CNTNAP2: variants seen among roughly 807,000 people sequenced by gnomAD.
The protein encoded by CNTNAP2 is contactin-associated protein-like 2.
CNTNAP2 carries 98 observed loss-of-function variants against 155.2 expected under a neutral mutation model. The ratio of observed to expected loss-of-function variants is 0.63; its 90% CI spans 0.54 to 0.75. The LOEUF is 0.75. Ranked by LOEUF, CNTNAP2 falls within the 30% of genes least tolerant of loss-of-function variation. CNTNAP2 has a pLI of 0.00. For missense variants in CNTNAP2, 1,727 were observed against 1,688.1 expected (o/e 1.02, Z -0.40); for synonymous variants, 651 against 631.2 (o/e 1.03, Z -0.47).
chr7:147,713,477 A>G (rs1054764174), intron 13 of CNTNAP2, among the ~76,000 whole-genome samples: 1 of 152,156 alleles, frequency 6.6e-6, no homozygotes, highest in Non-Finnish European at 1.5e-5. Flanking sequence ...ATGTATCAGT[A>G]GTACATTCCT....
At chr7:146,294,143 A>C (rs1584853040) in intron 1 of CNTNAP2, among the ~76,000 whole-genome samples, 1 of 152,350 alleles carries the variant, frequency 6.6e-6, no homozygotes, top group East Asian at 1.9e-4. Context: ...CAGAATCACA[A>C]AGTGGAGAAG....
At chr7:146,323,861 C>A (rs182456676) in intron 1 of CNTNAP2, among the ~76,000 whole-genome samples, 121 of 152,220 alleles carry the variant, frequency 7.9e-4, no homozygotes, top group Non-Finnish European at 7.9e-4. Flanking sequence ...AACATTGCTC[C>A]ATTCCCTGTA....
intron 22 of CNTNAP2, among the ~76,000 whole-genome samples, chr7:148,405,662 C>G (rs1472868329): frequency 1.7e-5 from 2 of 116,344 alleles, no homozygotes; most frequent in Admixed American, 1.1e-4. Context: ...TGTCACCAGG[C>G]TGGAGTGCAG....
intron 2 of CNTNAP2, among the ~76,000 whole-genome samples, chr7:146,834,843 A>C (rs1256443125): frequency 6.6e-6 from 1 of 152,180 alleles, no homozygotes; most frequent in Non-Finnish European, 1.5e-5. Context: ...GGTTGTGATG[A>C]AAGAGGTATC....
chr7:148,171,320 G>A (rs1805789676), intron 17 of CNTNAP2, among the ~76,000 whole-genome samples: 2 of 152,076 alleles, frequency 1.3e-5, no homozygotes, highest in South Asian at 4.2e-4. Flanking sequence ...TCTTTCAACA[G>A]TTTTACCTAC....
Position 146,761,140 on chromosome 7 carries a change from G to T in CNTNAP2, c.98-13131G>T, listed in dbSNP as rs1802090135. 1.3e-5 allele frequency among the ~76,000 whole-genome samples: 2 copies of T among 152,208 alleles called. 1 individual carries two copies. The highest frequency in any genetic ancestry group is 6.8e-3 in the Middle Eastern group (2 of 294). The stretch of plus-strand genomic sequence containing the variant: ...CCACTGTGCATTCATTCTGACACTG[G>T]TCACTGTCCCATATGCCAAGAATAC... On this transcript the variant is annotated intron_variant, in intron 1 of 23. Coordinates refer to ENST00000361727, the MANE Select transcript of CNTNAP2 (RefSeq NM_014141.6).
At chr7:147,327,705 TATA>T (rs1795486323) in intron 9 of CNTNAP2, among the ~76,000 whole-genome samples, 2 of 152,156 alleles carry the variant, frequency 1.3e-5, no homozygotes, top group Non-Finnish European at 2.9e-5. Context: ...GAGACTTACA[TATA>T]GTTGAGCACT....
At chr7:146,659,347 A>T (rs1289566101) in intron 1 of CNTNAP2, among the ~76,000 whole-genome samples, 2 of 152,184 alleles carry the variant, frequency 1.3e-5, no homozygotes. Flanking sequence ...GGAAAGGCAG[A>T]GTGGAGTTCT....
At chr7:148,192,312 C>T (rs1250697055) in intron 18 of CNTNAP2, among the ~76,000 whole-genome samples, 2 of 152,142 alleles carry the variant, frequency 1.3e-5, no homozygotes, top group African/African-American at 4.8e-5. Flanking sequence ...CATTGTTTAG[C>T]TCGCACTTAT....
At chr7:148,250,309 G>A (rs546824828) in intron 20 of CNTNAP2, among the ~76,000 whole-genome samples, 7 of 152,262 alleles carry the variant, frequency 4.6e-5, no homozygotes, top group South Asian at 4.2e-4. Context: ...AAAAGACTTC[G>A]AATTTATCCC....
At chr7:147,677,865 C>T (rs1242878083) in intron 13 of CNTNAP2, among the ~76,000 whole-genome samples, 1 of 151,646 alleles carries the variant, frequency 6.6e-6, no homozygotes, top group African/African-American at 2.4e-5. Context: ...TATCTTGTCT[C>T]ATTGTTCTAC....
chr7:147,318,958 A>G (rs915270950), intron 9 of CNTNAP2, among the ~76,000 whole-genome samples: 10 of 152,184 alleles, frequency 6.6e-5, no homozygotes, highest in African/African-American at 2.4e-4. Context: ...AACAAACTAG[A>G]TAAGATAAAG....
chr7:147,300,001 G>A (rs567431693), intron 8 of CNTNAP2, 140 bp from the exon 9 acceptor site: 42 of 840,712 alleles, frequency 5.0e-5, no homozygotes, highest in East Asian at 4.0e-4. Flanking sequence ...GACATGAGAC[G>A]TCAGTTTGAA....
chr7:146,654,124 C>T (rs1359822987), intron 1 of CNTNAP2, among the ~76,000 whole-genome samples: 8 of 151,978 alleles, frequency 5.3e-5, no homozygotes, highest in South Asian at 4.2e-4. Context: ...ATGTTGCTTG[C>T]GAATGCATGG....
At chr7:148,104,375 C>T (rs1269960156) in intron 15 of CNTNAP2, among the ~76,000 whole-genome samples, 1 of 152,162 alleles carries the variant, frequency 6.6e-6, no homozygotes, top group Non-Finnish European at 1.5e-5. Context: ...AAATGGGTGG[C>T]TTTTTTCCAC....
At chr7:146,512,491 A>G (rs1424208325) in intron 1 of CNTNAP2, among the ~76,000 whole-genome samples, 1 of 129,836 alleles carries the variant, frequency 7.7e-6, no homozygotes, top group South Asian at 2.4e-4. Context: ...TTGTTTTTAC[A>G]TTTTCTCTTG....
intron 1 of CNTNAP2, among the ~76,000 whole-genome samples, chr7:146,323,019 G>A (rs1477977697): frequency 6.6e-6 from 1 of 151,938 alleles, no homozygotes; most frequent in East Asian, 1.9e-4. Context: ...AGCCTTATAT[G>A]CCATCTAATT....
At position 147,903,600 on chromosome 7, in the gene CNTNAP2, A is replaced by G; in HGVS notation, c.2134A>G (p.Asn712Asp). 1 of 1,614,212 alleles carries G rather than the reference A, an allele frequency of 6.2e-7. No homozygotes were observed. The change falls in exon 14 of 24, where the codon AAC becomes GAC. Residue 712 changes from asparagine (N) to aspartate (D), a missense_variant. Asn to Asp is a conservative substitution (Grantham distance 23, BLOSUM62 1). Coordinates refer to ENST00000361727, the MANE Select transcript of CNTNAP2 (RefSeq NM_014141.6). ...SPYTWWVGKA[N>D]EKHYYWGGSG... ...TTACACTTGGTGGGTTGGCAAAGCC[A>G]ACGAGAAGCACTACTACTGGGGAGG...
At chr7:148,195,629 G>A (rs1214300836) in intron 18 of CNTNAP2, among the ~76,000 whole-genome samples, 4 of 152,094 alleles carry the variant, frequency 2.6e-5, no homozygotes, top group African/African-American at 9.7e-5. Context: ...CCTATGCTTT[G>A]ATGCTTTTTA....
Sources: gnomAD v4.1 joint callset for allele counts (sites outside exome capture counted in the v4.1 genomes callset) on GRCh38, gnomAD v4.1.1 for gene constraint, MANE v1.5 for transcripts, NCBI Gene and HGNC (gene_info 2026-07-23, HGNC 2026-07-21) for gene names.